Variants in COL4A5 observed in about 807,000 individuals in gnomAD.
The protein encoded by COL4A5 is collagen alpha-5(IV) chain.
A neutral mutation model predicts 130.2 loss-of-function variants in COL4A5; 26 were observed. That is an observed-to-expected ratio of 0.20 (90% CI 0.15 to 0.28). The LOEUF is 0.28. Ranked by LOEUF, COL4A5 falls within the 10% of genes least tolerant of loss-of-function variation. The pLI is 1.00. For missense variants in COL4A5, 1,131 were observed against 1,344.3 expected, an observed-to-expected ratio of 0.84 and a Z score of 2.48; for synonymous variants, 496 against 439.6, an observed-to-expected ratio of 1.13 and a Z score of -1.60.
intron 1 of COL4A5, among the ~76,000 whole-genome samples, chrX:108,526,337 T>C (rs186851114): frequency 1.8e-5 from 2 of 111,882 alleles, no homozygotes. Flanking sequence ...AATATCCAGA[T>C]ACTTGAGTTT....
At chrX:108,648,875 TG>T (rs753890053) in intron 36 of COL4A5, among the ~76,000 whole-genome samples, 1 of 111,129 alleles carries the variant, frequency 9.0e-6, no homozygotes, top group South Asian at 3.8e-4. Flanking sequence ...AACATAGTAC[TG>T]GAAGTCCTAG....
chrX:108,670,314 T>C, intron 42 of COL4A5, 78 bp downstream of exon 42: 1 of 1,194,204 alleles, frequency 8.4e-7, no homozygotes, highest in Non-Finnish European at 1.1e-6. Flanking sequence ...TTCAAGTGTT[T>C]GAATGTATTT....
intron 3 of COL4A5, 111 bp downstream of exon 3, chrX:108,559,264 T>A (rs111429695): frequency 3.0e-5 from 18 of 593,138 alleles, no homozygotes; most frequent in African/African-American, 8.8e-5. Context: ...GAAACTAATA[T>A]GTAAATGAAA....
chrX:108,646,387 A>G (rs1603304597), intron 36 of COL4A5, among the ~76,000 whole-genome samples: 1 of 111,731 alleles, frequency 9.0e-6, no homozygotes, highest in East Asian at 2.8e-4. Flanking sequence ...TCTTTTGAGA[A>G]GTGTCTGTTC....
chrX:108,584,382 G>T, intron 17 of COL4A5, 102 bp from the exon 18 acceptor site: 1 of 702,942 alleles, frequency 1.4e-6, no homozygotes, highest in South Asian at 2.4e-5. Context: ...GGTATTTTAT[G>T]ATTGATTTCT....
intron 39 of COL4A5, 76 bp from the exon 40 acceptor site, chrX:108,667,057 T>C (rs2068096131): frequency 1.0e-6 from 1 of 962,715 alleles, no homozygotes. Context: ...CTCAATGATC[T>C]AAAAATAATT....
At chrX:108,523,024 C>T (rs1413444322) in intron 1 of COL4A5, among the ~76,000 whole-genome samples, 2 of 108,047 alleles carry the variant, frequency 1.9e-5, no homozygotes, top group African/African-American at 3.4e-5. Flanking sequence ...ATTACAGGTG[C>T]GCGTGCCACC....
At chrX:108,535,800 A>G (rs761370054) in intron 1 of COL4A5, among the ~76,000 whole-genome samples, 62 of 111,414 alleles carry the variant, frequency 5.6e-4, no homozygotes, top group Middle Eastern at 4.6e-3. Flanking sequence ...GATAAATCCT[A>G]CTGTGCTTCC....
At chrX:108,571,372 T>C (rs770585823) in intron 6 of COL4A5, 41 bp from the exon 7 acceptor site, 3 of 1,011,505 alleles carry the variant, frequency 3.0e-6, no homozygotes, top group Middle Eastern at 5.1e-4. Flanking sequence ...TTATTCTTTG[T>C]TTCTTGTTCC....
chrX:108,548,484 G>C (rs1423269220), intron 2 of COL4A5, among the ~76,000 whole-genome samples: 2 of 110,846 alleles, frequency 1.8e-5, no homozygotes, highest in Non-Finnish European at 1.9e-5. Context: ...AGTGTCAAAT[G>C]GTCTAATACA....
intron 32 of COL4A5, 27 bp downstream of exon 32, chrX:108,621,919 G>A (rs376532147): frequency 1.1e-5 from 11 of 1,041,582 alleles, no homozygotes; most frequent in South Asian, 7.7e-5. Context: ...GCTGCCAGAC[G>A]TATGTGAGAG....
intron 1 of COL4A5, among the ~76,000 whole-genome samples, chrX:108,532,184 A>G (rs1401605008): frequency 8.9e-6 from 1 of 111,791 alleles, no homozygotes; most frequent in Non-Finnish European, 1.9e-5. Context: ...TTGAAAAACA[A>G]TTTAAAAAAT....
intron 1 of COL4A5, among the ~76,000 whole-genome samples, chrX:108,461,608 G>GT (rs1039943738): frequency 8.3e-5 from 9 of 108,168 alleles, no homozygotes; most frequent in East Asian, 5.8e-4. Flanking sequence ...AAAGTTTTTT[G>GT]TTTTTTTTTG....
chrX:108,488,839 G>C lies in COL4A5; in HGVS notation c.81+48633G>C, dbSNP rs750296753. ...AGCAGTATGAGAGTGATTCCAAAGA[G>C]CATATTTAGGTTAAATAAATAATCC... On this transcript the variant is annotated intron_variant, in intron 1 of 52. Coordinates refer to ENST00000328300, the MANE Select transcript of COL4A5 (RefSeq NM_033380.3). Among the ~76,000 whole-genome samples, 3 of 111,251 alleles carry C rather than the reference G, an allele frequency of 2.7e-5. No homozygotes were observed. The East Asian group carries it at 8.4e-4, about 31-fold the overall frequency.
At chrX:108,503,484 A>G (rs1272610537) in intron 1 of COL4A5, among the ~76,000 whole-genome samples, 1 of 111,801 alleles carries the variant, frequency 8.9e-6, no homozygotes, top group Non-Finnish European at 1.9e-5. Flanking sequence ...CTCTTAGTCA[A>G]TGATATAATC....
intron 1 of COL4A5, among the ~76,000 whole-genome samples, chrX:108,521,291 G>A (rs926096913): frequency 9.0e-6 from 1 of 110,517 alleles, no homozygotes; most frequent in Admixed American, 9.8e-5. Flanking sequence ...AATTTTCCGT[G>A]GATCTTTCAT....
intron 38 of COL4A5, among the ~76,000 whole-genome samples, chrX:108,665,848 C>T (rs1346921066): frequency 9.0e-6 from 1 of 111,513 alleles, no homozygotes; most frequent in Non-Finnish European, 1.9e-5. Flanking sequence ...GTCAGGAGCT[C>T]GAGACTAGCT....
At chrX:108,467,931 C>A (rs750362475) in intron 1 of COL4A5, among the ~76,000 whole-genome samples, 1 of 111,400 alleles carries the variant, frequency 9.0e-6, no homozygotes, top group African/African-American at 3.3e-5. Context: ...GGTTGAGTAT[C>A]TCTTATCTGA....
intron 1 of COL4A5, among the ~76,000 whole-genome samples, chrX:108,472,596 T>A (rs1431230609): frequency 1.8e-5 from 2 of 111,664 alleles, no homozygotes; most frequent in Non-Finnish European, 3.8e-5. Context: ...GTAACAGGGG[T>A]GACTTAAAGC....
Sources: allele counts gnomAD v4.1 joint callset (sites outside exome capture counted in the v4.1 genomes callset), GRCh38; gene constraint gnomAD v4.1.1; transcripts MANE v1.5; gene names NCBI Gene and HGNC (gene_info 2026-07-23, HGNC 2026-07-21).